The following MSTO1 variants were observed in gnomAD, a reference collection of about 807,000 sequenced individuals.
MSTO1 encodes the protein misato mitochondrial distribution and morphology regulator 1, also known as protein misato homolog 1.
In MSTO1, 24 loss-of-function variants were observed where a neutral mutation model predicts 55.7. The observed-to-expected ratio is 0.43, with a 90% CI of 0.31 to 0.61. The LOEUF is 0.61. MSTO1 is among the 20% of genes least tolerant of loss of function. MSTO1 has a pLI of 0.09. For synonymous variants in MSTO1, 162 were observed against 252.8 expected (o/e 0.64, Z 3.41); for missense variants, 363 against 625.7 (o/e 0.58, Z 4.48).
the MSTO1 span, among the ~76,000 whole-genome samples, chr1:155,577,311 A>G: frequency 6.6e-6 from 1 of 151,406 alleles, no homozygotes; most frequent in African/African-American, 2.4e-5. Flanking sequence ...GATGGTCTCG[A>G]TCTCCTGACC....
At chr1:155,603,346 G>A in the MSTO1 span, among the ~76,000 whole-genome samples, 6 of 152,110 alleles carry the variant, frequency 3.9e-5, no homozygotes, top group South Asian at 1.0e-3. Flanking sequence ...GCAGTGAGCT[G>A]AGATCACACC....
the MSTO1 span, among the ~76,000 whole-genome samples, chr1:155,570,898 T>A: frequency 6.6e-6 from 1 of 152,202 alleles, no homozygotes; most frequent in Non-Finnish European, 1.5e-5. Context: ...CCTTCTTGCT[T>A]TCTTCATTGC....
the MSTO1 span, among the ~76,000 whole-genome samples, chr1:155,579,186 G>A: frequency 6.6e-6 from 1 of 151,878 alleles, no homozygotes; most frequent in Non-Finnish European, 1.5e-5. Flanking sequence ...GGTGGCGCAT[G>A]CAGGCAATCC....
the MSTO1 span, among the ~76,000 whole-genome samples, chr1:155,574,599 C>T: frequency 6.6e-6 from 1 of 152,080 alleles, no homozygotes; most frequent in Non-Finnish European, 1.5e-5. Flanking sequence ...TAGGACCTCA[C>T]TCTGTTACCC....
the MSTO1 span, among the ~76,000 whole-genome samples, chr1:155,589,838 C>T: frequency 2.0e-5 from 3 of 151,956 alleles, no homozygotes; most frequent in East Asian, 1.9e-4. Flanking sequence ...GGTGGGTCTG[C>T]GTCTCCCAGT....
the MSTO1 span, among the ~76,000 whole-genome samples, chr1:155,586,098 G>GT: frequency 3.4e-5 from 5 of 148,386 alleles, no homozygotes; most frequent in East Asian, 2.0e-4. Flanking sequence ...ACGGACATTT[G>GT]TTTTTTTTAC....
the MSTO1 span, among the ~76,000 whole-genome samples, chr1:155,586,198 CTCTG>C: frequency 6.2e-5 from 9 of 144,762 alleles, no homozygotes; most frequent in Admixed American, 1.4e-4. Flanking sequence ...TTCTCTCTCT[CTCTG>C]TCTTTTTTTT....
At chr1:155,608,765 G>A (rs1673104982), upstream of MSTO1, among the ~76,000 whole-genome samples, 2 of 151,860 alleles carry the variant, frequency 1.3e-5, no homozygotes, top group South Asian at 4.2e-4. Flanking sequence ...GCCTCCCAAA[G>A]TGCTGGGATT....
the MSTO1 span, among the ~76,000 whole-genome samples, chr1:155,604,230 C>G: frequency 3.9e-5 from 6 of 152,274 alleles, no homozygotes; most frequent in South Asian, 1.2e-3. Flanking sequence ...GTGGACCTGC[C>G]TTTCTGGCCT....
At chr1:155,612,708 C>T in intron 9 of MSTO1, 136 bp from the exon 10 acceptor site, 1 of 1,380,610 alleles carries the variant, frequency 7.2e-7, no homozygotes, top group South Asian at 1.4e-5. Context: ...TCAGATCACA[C>T]TGTCCTATGC....
the MSTO1 span, chr1:155,590,892 G>A: frequency 2.5e-6 from 4 of 1,612,066 alleles, no homozygotes; most frequent in African/African-American, 1.3e-5. Flanking sequence ...AGGTGACAAA[G>A]ACAATCCCAG....
the MSTO1 span, among the ~76,000 whole-genome samples, chr1:155,569,537 A>G: frequency 6.8e-6 from 1 of 147,718 alleles, no homozygotes; most frequent in Non-Finnish European, 1.5e-5. Context: ...TCCCGGGTTC[A>G]AGCAATTCTA....
the MSTO1 span, among the ~76,000 whole-genome samples, chr1:155,577,167 C>T: frequency 6.6e-6 from 1 of 150,762 alleles, no homozygotes; most frequent in African/African-American, 2.4e-5. Context: ...CAGCTCACTG[C>T]AAGCTCCACC....
the MSTO1 span, among the ~76,000 whole-genome samples, chr1:155,584,921 TTTGTTTG>T: frequency 7.9e-3 from 692 of 87,294 alleles, 3 homozygotes; most frequent in Non-Finnish European, 0.015. Flanking sequence ...TTTTGTTTTG[TTTGTTTG>T]TTTGTTTGTT....
chr1:155,589,832 G>A, the MSTO1 span, among the ~76,000 whole-genome samples: 1 of 151,790 alleles, frequency 6.6e-6, no homozygotes, highest in East Asian at 1.9e-4. Context: ...ACTGAGGGTG[G>A]GTCTGCGTCT....
At chr1:155,597,276 C>T in the MSTO1 span, among the ~76,000 whole-genome samples, 1 of 151,946 alleles carries the variant, frequency 6.6e-6, no homozygotes, top group Non-Finnish European at 1.5e-5. Context: ...GGAGACCAGC[C>T]TGGTCAACAT....
upstream of MSTO1, among the ~76,000 whole-genome samples, chr1:155,609,070 T>G (rs1192847642): frequency 6.7e-6 from 1 of 148,788 alleles, no homozygotes; most frequent in African/African-American, 2.5e-5. Context: ...CAGTTGATCC[T>G]CCTGCCTCGG....
the MSTO1 span, among the ~76,000 whole-genome samples, chr1:155,571,965 C>T: frequency 6.6e-6 from 1 of 151,774 alleles, no homozygotes; most frequent in African/African-American, 2.4e-5. Context: ...TCATTTGAAC[C>T]CAGGAGGCGG....
upstream of MSTO1, among the ~76,000 whole-genome samples, chr1:155,609,120 C>G (rs965096036): frequency 1.3e-5 from 2 of 149,308 alleles, no homozygotes; most frequent in African/African-American, 5.1e-5. Flanking sequence ...AACTACCGCA[C>G]CCGGCCCTTG....
Sources: gnomAD v4.1 joint callset for allele counts (sites outside exome capture counted in the v4.1 genomes callset) on GRCh38, gnomAD v4.1.1 for gene constraint, MANE v1.5 for transcripts, NCBI Gene and HGNC (gene_info 2026-07-23, HGNC 2026-07-21) for gene names.